Variants in CELF5 observed in about 807,000 individuals in gnomAD.
CELF5 encodes CUG-BP and ETR-3 like factor 5.
In CELF5, 6 loss-of-function variants were observed where a neutral mutation model predicts 54.9. The observed-to-expected ratio is 0.11, with a 90% CI of 0.06 to 0.22. The LOEUF is 0.22. Among genes scored for constraint, CELF5 ranks in the 10% least tolerant of loss-of-function variants. The pLI, the probability that CELF5 is intolerant of heterozygous loss-of-function variation, is 1.00. For missense variants in CELF5, 401 were observed against 678.6 expected (o/e 0.59, Z 4.54); for synonymous variants, 271 against 290.9 (o/e 0.93, Z 0.70).
intron 1 of CELF5, among the ~76,000 whole-genome samples, chr19:3,237,311 CAAAAAAA>C (rs1182124877): frequency 3.6e-4 from 15 of 42,240 alleles, no homozygotes; most frequent in South Asian, 1.9e-3. Flanking sequence ...GACTCCGTCT[CAAAAAAA>C]AAAAAAAAAA....
At chr19:3,248,358 C>T (rs975218418) in intron 1 of CELF5, among the ~76,000 whole-genome samples, 2 of 152,146 alleles carry the variant, frequency 1.3e-5, no homozygotes, top group Admixed American at 6.6e-5. Context: ...GAAACTGTAT[C>T]CCTGTGAAAC....
intron 11 of CELF5, among the ~76,000 whole-genome samples, chr19:3,292,194 G>A (rs556448194): frequency 4.6e-5 from 7 of 151,832 alleles, no homozygotes; most frequent in East Asian, 1.9e-4. Context: ...TGATCCACCC[G>A]CCTCGGCCTC....
intron 1 of CELF5, among the ~76,000 whole-genome samples, chr19:3,229,057 C>T (rs1297469174): frequency 6.6e-6 from 1 of 151,960 alleles, no homozygotes; most frequent in African/African-American, 2.4e-5. Flanking sequence ...CGGAGCCTCA[C>T]ACCTGTGACT....
rs981441477 is a variant in CELF5 at position 3,278,498 on chromosome 19, G to C, written c.603+388G>C. On this transcript the variant is annotated intron_variant, in intron 5 of 12. Coordinates refer to ENST00000292672, the MANE Select transcript of CELF5 (RefSeq NM_021938.4). This position sits in a 1 kb window ranked among gnomAD's most constrained non-coding sequence, Gnocchi z 4.5. The stretch of plus-strand genomic sequence containing the variant: ...TATGTGAGTGCTGTGTGCACGAGGG[G>C]TGTGCGTAAATATGTATGGATAAGT... 6.6e-6 allele frequency among the ~76,000 whole-genome samples: 1 copy of C among 152,064 alleles called. No individual in the cohort carries two copies. The highest frequency in any genetic ancestry group is 2.4e-5 in the African/African-American group (1 of 41,396).
intron 2 of CELF5, 47 bp downstream of exon 2, chr19:3,251,114 T>C (rs1181154063): frequency 3.0e-6 from 4 of 1,327,260 alleles, no homozygotes; most frequent in Non-Finnish European, 4.3e-6. Flanking sequence ...GGGATGGCTC[T>C]CAGCCTGGGG....
chr19:3,273,809 A>G lies in CELF5; in HGVS notation c.343-63A>G, dbSNP rs1599455991. ...GGGCTGGCCTGCAGAGCTCAGGCAAAACCCCCCGCCTGCCACACCCCCACT... is the reference window on the plus strand; with the variant it reads ...GGGCTGGCCTGCAGAGCTCAGGCAAGACCCCCCGCCTGCCACACCCCCACT... On this transcript the variant is annotated intron_variant, in intron 2 of 12. Coordinates refer to ENST00000292672, the MANE Select transcript of CELF5 (RefSeq NM_021938.4). The G allele has an allele frequency of 5.0e-6, 6 of 1,206,170 alleles. No individual in the cohort carries two copies. The East Asian group carries it at 1.4e-4, about 28-fold the overall frequency. 74.7% of individuals were successfully genotyped at this position (1,206,170 alleles called of 1,614,324 possible). A position where few individuals can be genotyped will look rare whatever the true frequency, so the allele number is the denominator to read the frequency against.
intron 8 of CELF5, among the ~76,000 whole-genome samples, chr19:3,283,915 C>T (rs926632229): frequency 2.6e-5 from 4 of 152,026 alleles, no homozygotes; most frequent in South Asian, 4.1e-4. Context: ...CTTGAACTCT[C>T]GAACTCCTGG....
intron 1 of CELF5, among the ~76,000 whole-genome samples, chr19:3,231,805 G>A (rs1917278254): frequency 6.6e-6 from 1 of 150,580 alleles, no homozygotes; most frequent in Admixed American, 6.6e-5. Context: ...TGGATGGATG[G>A]GTAGGTGGGT....
At chr19:3,254,462 CATCT>C (rs1373772134) in intron 2 of CELF5, among the ~76,000 whole-genome samples, 3 of 150,914 alleles carry the variant, frequency 2.0e-5, no homozygotes, top group Non-Finnish European at 4.4e-5. Context: ...TCCATCCATC[CATCT>C]ATCCATCCAC....
At position 3,229,399 on chromosome 19, in the gene CELF5, C is replaced by T. The variant is rs190296242; in HGVS notation, c.259+4401C>T. Among the ~76,000 whole-genome samples, 901 of 152,326 alleles carry T rather than the reference C, an allele frequency of 5.9e-3. 15 individuals are homozygous for T. Among genetic ancestry groups the T allele is most frequent in the African/African-American group, 0.021 (870 of 41,564 alleles). On this transcript the variant is annotated intron_variant, in intron 1 of 12. Transcript: ENST00000292672. ...GGACGGAGACAGCTGGGGAACTGGGCTTACAAGGCACCGAGCTCAGGAATA... is the reference window on the plus strand; with the variant it reads ...GGACGGAGACAGCTGGGGAACTGGGTTTACAAGGCACCGAGCTCAGGAATA...
At chr19:3,279,891 C>T (rs538122748) in intron 5 of CELF5, among the ~76,000 whole-genome samples, 4 of 152,216 alleles carry the variant, frequency 2.6e-5, no homozygotes, top group South Asian at 4.1e-4. Flanking sequence ...GTAGTAGAGA[C>T]GGGGTTTCAC....
intron 9 of CELF5, among the ~76,000 whole-genome samples, chr19:3,285,653 C>T (rs1461178370): frequency 1.0e-5 from 1 of 97,468 alleles, no homozygotes; most frequent in Non-Finnish European, 2.4e-5. Flanking sequence ...CCCCTCACGC[C>T]ATGGGGTCCG....
intron 2 of CELF5, among the ~76,000 whole-genome samples, chr19:3,257,483 TA>T (rs200235720): frequency 0.016 from 2,441 of 152,034 alleles, 65 homozygotes; most frequent in African/African-American, 0.056. Flanking sequence ...TTATTATTAT[TA>T]TTTTTTTTGA....
chr19:3,236,987 T>C (rs1228869416), intron 1 of CELF5, among the ~76,000 whole-genome samples: 6 of 100,720 alleles, frequency 6.0e-5, no homozygotes, highest in African/African-American at 2.4e-4. Flanking sequence ...AGACTCCATC[T>C]CAAAAAAAAA....
intron 10 of CELF5, chr19:3,286,778 T>A (rs1010197769): frequency 7.0e-6 from 1 of 142,358 alleles, no homozygotes; most frequent in Non-Finnish European, 1.5e-5. Flanking sequence ...CTCACGCCTG[T>A]AATCCCAGCA....
rs796393102 is a variant in CELF5, at chr19:3,247,760, TA to T, written c.260-3219del. ...ATATGCATAATATGAAATGTACCGT[TA>T]AAAAATTTTTTTTTAATTGAGAAAG... On this transcript the variant is annotated intron_variant, in intron 1 of 12. Transcript: ENST00000292672. Among the ~76,000 whole-genome samples, 4 of 152,056 alleles carry T rather than the reference TA, an allele frequency of 2.6e-5. No individual in the cohort carries two copies. The East Asian group carries it at 7.7e-4, about 29-fold the overall frequency.
chr19:3,273,846 C>T (rs751665272), intron 2 of CELF5, 26 bp from the exon 3 acceptor site: 1 of 1,589,760 alleles, frequency 6.3e-7, no homozygotes, highest in Admixed American at 1.7e-5. Context: ...CTAAGCTTGA[C>T]TTTTCCCTTC....
intron 2 of CELF5, among the ~76,000 whole-genome samples, chr19:3,271,233 T>G (rs918398150): frequency 1.5e-5 from 2 of 135,312 alleles, no homozygotes; most frequent in Non-Finnish European, 3.2e-5. Flanking sequence ...CTCCTGCAGG[T>G]GCCCCCCCAT....
At position 3,228,839 on chromosome 19, in the gene CELF5, G is replaced by A. The variant is rs925634692; in HGVS notation, c.259+3841G>A. On this transcript the variant is annotated intron_variant, in intron 1 of 12. Transcript: ENST00000292672. This position sits in a 1 kb window ranked among gnomAD's most constrained non-coding sequence, Gnocchi z 6.0. ...CACCCCTGGTGGTGGCGGGGACAGC[G>A]GCAGGGGGCTGGGGGTGGCTGGCAG... is the stretch of plus-strand genomic sequence containing the variant. 6.6e-6 allele frequency among the ~76,000 whole-genome samples: 1 copy of A among 151,920 alleles called. No homozygotes were observed. The highest frequency in any genetic ancestry group is 1.5e-5 in the Non-Finnish European group (1 of 67,926).
Sources: allele counts gnomAD v4.1 joint callset (sites outside exome capture counted in the v4.1 genomes callset), GRCh38; gene constraint gnomAD v4.1.1; non-coding constraint Gnocchi (gnomAD v3.1); transcripts MANE v1.5; gene names NCBI Gene and HGNC (gene_info 2026-07-23, HGNC 2026-07-21).